ME3: variants seen among roughly 807,000 people sequenced by gnomAD.
The protein encoded by ME3 is NADP-dependent malic enzyme, mitochondrial.
ME3 carries 48 observed loss-of-function variants against 68.9 expected under a neutral mutation model. That is an observed-to-expected ratio of 0.70 (90% CI 0.55 to 0.89). ME3 has a LOEUF of 0.89. ME3 is among the 40% of genes least tolerant of loss of function. The pLI is 0.00. For missense variants in ME3, 675 were observed against 797.4 expected, an observed-to-expected ratio of 0.85 and a Z score of 1.85; for synonymous variants, 320 against 318.8, an observed-to-expected ratio of 1.00 and a Z score of -0.04.
In ME3 at chr11:86,517,241, A is replaced by T. The variant is rs947094525; in HGVS notation, c.468-8374T>A. ...ATGCAACATGGCACCTCTGGGTGGG[A>T]GTGTTTCAGAGTCAGTGTGATTTAC... On this transcript the variant is annotated intron_variant, in intron 4 of 14. Coordinates refer to ENST00000543262, the Ensembl canonical transcript of ME3. Among the ~76,000 whole-genome samples the T allele has an allele frequency of 2.0e-5, 3 of 152,012 alleles. No individual in the cohort carries two copies. The East Asian group carries it at 5.8e-4, about 29-fold the overall frequency.
At chr11:86,530,583 A>G (rs2139264432) in intron 4 of ME3, among the ~76,000 whole-genome samples, 1 of 152,350 alleles carries the variant, frequency 6.6e-6, no homozygotes, top group East Asian at 1.9e-4. Flanking sequence ...GCATCACGCT[A>G]CCTGACTTCA....
At chr11:86,580,286 G>A (rs1400496754) in intron 2 of ME3, among the ~76,000 whole-genome samples, 2 of 152,174 alleles carry the variant, frequency 1.3e-5, no homozygotes, top group African/African-American at 4.8e-5. Flanking sequence ...TCCTCCAAAT[G>A]CCTCAAAATA....
At chr11:86,669,342 T>A (rs1393435271) in intron 2 of ME3, among the ~76,000 whole-genome samples, 1 of 152,196 alleles carries the variant, frequency 6.6e-6, no homozygotes, top group East Asian at 1.9e-4. Flanking sequence ...GTCCTTAGAT[T>A]TATGGATAAC....
At chr11:86,583,924 A>T (rs1958584747) in intron 2 of ME3, among the ~76,000 whole-genome samples, 1 of 152,238 alleles carries the variant, frequency 6.6e-6, no homozygotes, top group Non-Finnish European at 1.5e-5. Context: ...TTATAGATAC[A>T]ATATCAAAAG....
intron 7 of ME3, among the ~76,000 whole-genome samples, chr11:86,476,028 C>T (rs2511083): frequency 6.6e-6 from 1 of 151,794 alleles, no homozygotes; most frequent in Non-Finnish European, 1.5e-5. Context: ...TTAAAATTAA[C>T]ATAAAATCCT....
At chr11:86,634,933 C>A (rs968027154) in intron 2 of ME3, among the ~76,000 whole-genome samples, 1 of 152,012 alleles carries the variant, frequency 6.6e-6, no homozygotes, top group Non-Finnish European at 1.5e-5. Flanking sequence ...ACAAAAAACC[C>A]AGAACCTCTA....
chr11:86,531,676 AT>A (rs1276190127), intron 4 of ME3, among the ~76,000 whole-genome samples: 1 of 152,234 alleles, frequency 6.6e-6, no homozygotes. Context: ...GCCATAAAAA[AT>A]GATGAGTTCA....
chr11:86,598,267 G>T (rs771780805), intron 2 of ME3, among the ~76,000 whole-genome samples: 7 of 152,234 alleles, frequency 4.6e-5, no homozygotes, highest in Non-Finnish European at 8.8e-5. Flanking sequence ...TTTTCCGACG[G>T]GCTTAGGAAA....
At chr11:86,628,548 C>G (rs540052584) in intron 2 of ME3, among the ~76,000 whole-genome samples, 1 of 152,282 alleles carries the variant, frequency 6.6e-6, no homozygotes, top group South Asian at 2.1e-4. Flanking sequence ...TCTCAAATGA[C>G]TGTAAAGTGC....
intron 7 of ME3, 55 bp downstream of exon 7, chr11:86,487,282 A>T: frequency 7.1e-7 from 1 of 1,416,378 alleles, no homozygotes; most frequent in Non-Finnish European, 1.0e-6. Context: ...TGTTGACTTT[A>T]GTCACGGCAT....
chr11:86,613,689 G>C (rs113087398), intron 2 of ME3, among the ~76,000 whole-genome samples: 3,772 of 152,182 alleles, frequency 0.025, 141 homozygotes, highest in African/African-American at 0.081. Context: ...ACAGCAGAGA[G>C]CCAAATCATG....
At chr11:86,581,551 G>A (rs1958444211) in intron 2 of ME3, among the ~76,000 whole-genome samples, 1 of 152,198 alleles carries the variant, frequency 6.6e-6, no homozygotes, top group African/African-American at 2.4e-5. Flanking sequence ...TGCATTTTAA[G>A]TGAAGCAGTT....
Position 86,595,306 on chromosome 11 carries a change from T to TATATAGAG in ME3, c.184-35484_184-35483insCTCTATAT, listed in dbSNP as rs371436753. Among the ~76,000 whole-genome samples, 50 of 79,820 alleles carry TATATAGAG rather than the reference T, an allele frequency of 6.3e-4. 3 individuals are homozygous for TATATAGAG. The highest frequency in any genetic ancestry group is 9.0e-4 in the African/African-American group (23 of 25,418). 52.4% of individuals were successfully genotyped at this position (79,820 alleles called of 152,430 possible). On this transcript the variant is annotated intron_variant, in intron 2 of 14. Coordinates refer to ENST00000543262, the Ensembl canonical transcript of ME3. ...ATATACATATACATATATATATATA[T>TATATAGAG]AGAGAGAGAGAGAGAGAGAGAGAGA... is the stretch of plus-strand genomic sequence containing the variant.
At chr11:86,550,054 G>A (rs1340134502) in intron 4 of ME3, among the ~76,000 whole-genome samples, 1 of 152,164 alleles carries the variant, frequency 6.6e-6, no homozygotes, top group Non-Finnish European at 1.5e-5. Context: ...AGCCCTGGCT[G>A]CCCATTAGAG....
intron 4 of ME3, among the ~76,000 whole-genome samples, chr11:86,511,912 G>T (rs1044868946): frequency 6.6e-6 from 1 of 151,694 alleles, no homozygotes; most frequent in Middle Eastern, 3.2e-3. Context: ...AAATGGTCCT[G>T]TGGCCCCTAC....
Position 86,556,525 on chromosome 11 carries a change from C to A in ME3, c.467+28G>T, listed in dbSNP as rs747840986. 6.9e-6 allele frequency: 11 copies of A among 1,605,552 alleles called. No homozygotes were observed. The South Asian group carries it at 1.1e-4, about 16-fold the overall frequency. On this transcript the variant is annotated intron_variant, in intron 4 of 14. Coordinates refer to ENST00000543262, the Ensembl canonical transcript of ME3. ...ATTCCCCTCTATGAGGCAGCCCCTCCCAGAGCCCTCACTCCACGGGGGCTC... is the reference window on the plus strand; with the variant it reads ...ATTCCCCTCTATGAGGCAGCCCCTCACAGAGCCCTCACTCCACGGGGGCTC...
At chr11:86,660,337 C>T (rs1381355272) in intron 2 of ME3, among the ~76,000 whole-genome samples, 2 of 152,216 alleles carry the variant, frequency 1.3e-5, no homozygotes, top group African/African-American at 4.8e-5. Context: ...CTGCAGCCCA[C>T]ACAGGGCTTC....
At chr11:86,595,218 G>GT (rs781624835) in intron 2 of ME3, among the ~76,000 whole-genome samples, 8 of 143,058 alleles carry the variant, frequency 5.6e-5, no homozygotes, top group Non-Finnish European at 1.1e-4. Flanking sequence ...AAAAATATGT[G>GT]TTTAATATTT....
At position 86,520,193 on chromosome 11, in the gene ME3, C is replaced by T. The variant is rs117476587; in HGVS notation, c.468-11326G>A. 1.3e-4 allele frequency among the ~76,000 whole-genome samples: 20 copies of T among 152,258 alleles called. No individual in the cohort carries two copies. In the East Asian group the frequency reaches 3.9e-3, roughly 29 times the overall value. ...CCAGATAACCAGTGGATGTGGAGTG[C>T]TCCTGACTTTAGAGCCCAGGTGTAA... On this transcript the variant is annotated intron_variant, in intron 4 of 14. Coordinates refer to ENST00000543262, the Ensembl canonical transcript of ME3.
Sources: gnomAD v4.1 joint callset for allele counts (sites outside exome capture counted in the v4.1 genomes callset) on GRCh38, gnomAD v4.1.1 for gene constraint, MANE v1.5 for transcripts, NCBI Gene and HGNC (gene_info 2026-07-23, HGNC 2026-07-21) for gene names.